Variants in GPN2 observed in about 807,000 individuals in gnomAD.
GPN2 encodes the protein GPN-loop GTPase 2, also known as ATP-binding domain 1 family member B.
In GPN2, 27 loss-of-function variants were observed where a neutral mutation model predicts 30.1. That is an observed-to-expected ratio of 0.90 (90% confidence interval 0.66 to 1.24). GPN2 has a LOEUF of 1.24. Among genes scored for constraint, GPN2 ranks in the 50% most tolerant of loss-of-function variants. The pLI is 0.00. For missense variants in GPN2, 406 were observed against 405.4 expected, an observed-to-expected ratio of 1.00 and a Z score of -0.01; for synonymous variants, 212 against 174.4, an observed-to-expected ratio of 1.22 and a Z score of -1.70.
intron 4 of GPN2, among the ~76,000 whole-genome samples, chr1:26,881,954 G>A (rs2081866509): frequency 6.6e-6 from 1 of 152,158 alleles, no homozygotes; most frequent in Non-Finnish European, 1.5e-5. Context: ...GGTGGCTCAC[G>A]CCTATAATCC....
At position 26,876,204 on chromosome 1, in the gene GPN2, G is replaced by C. The variant is rs972159113; in HGVS notation, c.*3473C>G. The C allele has an allele frequency of 1.3e-5, 2 of 151,848 alleles. No homozygotes were observed. Among genetic ancestry groups the C allele is most frequent in the Non-Finnish European group, 2.9e-5 (2 of 67,940 alleles). 9.4% of individuals were successfully genotyped at this position (151,848 alleles called of 1,614,324 possible). A position where few individuals can be genotyped will look rare whatever the true frequency, so the allele number is the denominator to read the frequency against. The stretch of plus-strand genomic sequence containing the variant: ...AGAAAGTTTCCGTTATGGGATTCTG[G>C]GTGACTCATTTTCGTTTTTTTTTTT... On this transcript the variant is annotated 3_prime_UTR_variant, in exon 5 of 5. Coordinates refer to ENST00000374135, the MANE Select transcript of GPN2 (RefSeq NM_018066.4).
intron 4 of GPN2, among the ~76,000 whole-genome samples, chr1:26,882,370 T>A (rs898032590): frequency 4.7e-5 from 7 of 149,978 alleles, no homozygotes; most frequent in East Asian, 1.9e-4. Flanking sequence ...ATCTTAAATT[T>A]AAAAAAAAAA....
At chr1:26,881,207 C>A (rs1319490439) in intron 4 of GPN2, among the ~76,000 whole-genome samples, 2 of 152,100 alleles carry the variant, frequency 1.3e-5, no homozygotes, top group African/African-American at 4.8e-5. Flanking sequence ...TAAACCCATC[C>A]TAAATCAAAA....
chr1:26,886,681 G>C (rs890747909), intron 2 of GPN2, among the ~76,000 whole-genome samples: 27 of 152,318 alleles, frequency 1.8e-4, no homozygotes, highest in East Asian at 9.6e-4. Context: ...AGCTGGGCGT[G>C]GTGGCGGGTG....
Position 26,889,935 on chromosome 1 carries a change from G to A in GPN2, c.162C>T (p.Tyr54=), listed in dbSNP as rs774416861. Residue 54 remains tyrosine (Y), a synonymous_variant, in exon 1 of 5, where the codon TAC becomes TAT. Transcript: ENST00000374135. ...NLDPANEGLP[Y]ECAVDVGELV... ...GCTCGCCCACGTCCACGGCACACTC[G>A]TACGGCAGCCCCTCGTTGGCCGGGT... The A allele has an allele frequency of 3.3e-5, 53 of 1,609,518 alleles. No individual in the cohort carries two copies. The highest frequency in any genetic ancestry group is 4.4e-5 in the Non-Finnish European group (52 of 1,179,376).
chr1:26,889,636 T>C (rs1323390091), intron 1 of GPN2, 50 bp downstream of exon 1: 2 of 1,512,962 alleles, frequency 1.3e-6, no homozygotes, highest in South Asian at 1.3e-5. Flanking sequence ...CTGTCCTCCC[T>C]GTCTCAGTTA....
At chr1:26,880,667 T>C (rs2081860036) in intron 4 of GPN2, among the ~76,000 whole-genome samples, 1 of 152,004 alleles carries the variant, frequency 6.6e-6, no homozygotes, top group Admixed American at 6.6e-5. Context: ...GGTCTCACTA[T>C]GTTACCCAGT....
At chr1:26,880,558 G>A (rs569753033) in intron 4 of GPN2, among the ~76,000 whole-genome samples, 6 of 152,114 alleles carry the variant, frequency 3.9e-5, no homozygotes, top group South Asian at 2.1e-4. Flanking sequence ...TGATCCGCCC[G>A]CCTTGGCCTC....
rs1350297777 is a variant in GPN2 at position 26,879,697 on chromosome 1, G to C, written c.913C>G (p.Gln305Glu). ...YLAPSNQSVE[Q>E]EAMQL is the part of the protein sequence containing the mutation. Reference sequence around the variant, plus strand: ...TGTTGCTACAGCTGCATGGCTTCCTGCTCCACTGACTGGTTCGAGGGTGCC... The same window carrying C: ...TGTTGCTACAGCTGCATGGCTTCCTCCTCCACTGACTGGTTCGAGGGTGCC... Residue 305 changes from glutamine to glutamate, a missense_variant, in exon 5 of 5, where the codon CAG becomes GAG. By Grantham distance (29) the Gln-to-Glu change is conservative (BLOSUM62 2). Coordinates refer to ENST00000374135, the MANE Select transcript of GPN2 (RefSeq NM_018066.4). 6.2e-7 allele frequency: 1 copy of C among 1,613,728 alleles called. No individual in the cohort carries two copies. The highest frequency in any genetic ancestry group is 2.2e-5 in the East Asian group (1 of 44,880).
chr1:26,887,289 G>T (rs1008516833), intron 2 of GPN2, among the ~76,000 whole-genome samples: 1 of 152,250 alleles, frequency 6.6e-6, no homozygotes, highest in East Asian at 1.9e-4. Flanking sequence ...ACTAAAAGAA[G>T]TAAGTTGGAC....
At position 26,890,000 on chromosome 1, in the gene GPN2, G is replaced by C; in HGVS notation, c.97C>G (p.Leu33Val). The C allele has an allele frequency of 6.2e-7, 1 of 1,600,900 alleles. No individual in the cohort carries two copies. Among genetic ancestry groups the C allele is most frequent in the Non-Finnish European group, 8.5e-7 (1 of 1,179,254 alleles). ...TTYCLGMSEF[L>V]RALGRRVAVV... ...GCCACGCGCCGGCCCAGCGCGCGCAGGAACTCACTCATGCCCAGGCAGTAC... is the reference window on the plus strand; with the variant it reads ...GCCACGCGCCGGCCCAGCGCGCGCACGAACTCACTCATGCCCAGGCAGTAC... The change falls in exon 1 of 5, where the codon CTG becomes GTG. Residue 33 changes from leucine (L) to valine (V), a missense_variant. Transcript: ENST00000374135.
chr1:26,889,205 C>A (rs2081907076), intron 1 of GPN2, 80 bp from the exon 2 acceptor site: 4 of 1,119,184 alleles, frequency 3.6e-6, no homozygotes, highest in East Asian at 2.5e-5. Context: ...GGCTTGAGGA[C>A]AGAGGGGAAG....
rs1210624520 is a variant in GPN2 at position 26,889,851 on chromosome 1, G to A, written c.246C>T (p.Leu82=). The part of the protein sequence containing the change: ...ALRLGPNGGL[L]YCMEYLEANL... ...TGGCTTCCAGGTACTCCATGCAGTA[G>A]AGCAGGCCGCCGTTGGGCCCCAGGC... The change falls in exon 1 of 5, where the codon CTC becomes CTT. Residue 82 remains leucine (L), a synonymous_variant. Transcript: ENST00000374135. The A allele has an allele frequency of 6.2e-7, 1 of 1,613,148 alleles. No homozygotes were observed. The highest frequency in any genetic ancestry group is 8.5e-7 in the Non-Finnish European group (1 of 1,179,676).
chr1:26,877,596 C>G lies in GPN2; in HGVS notation c.*2081G>C, dbSNP rs1294353175. On this transcript the variant is annotated 3_prime_UTR_variant, in exon 5 of 5. Transcript: ENST00000374135. ...CAAAATGGGTTATGAGAAAGCCAGG[C>G]TGACCAAAGTTCAAACTTCTCATCT... 2 of 152,232 alleles carry G rather than the reference C, an allele frequency of 1.3e-5. No individual in the cohort carries two copies. Among genetic ancestry groups the G allele is most frequent in the Non-Finnish European group, 1.5e-5 (1 of 68,054 alleles). 9.4% of individuals were successfully genotyped at this position (152,232 alleles called of 1,614,324 possible). A position where few individuals can be genotyped will look rare whatever the true frequency, so the allele number is the denominator to read the frequency against.
Position 26,890,000 on chromosome 1 carries a change from G to T in GPN2, c.97C>A (p.Leu33Met). The T allele has an allele frequency of 6.2e-7, 1 of 1,600,900 alleles. No homozygotes were observed. ...GCCACGCGCCGGCCCAGCGCGCGCA[G>T]GAACTCACTCATGCCCAGGCAGTAC... ...TTYCLGMSEF[L>M]RALGRRVAVV... is the part of the protein sequence containing the mutation. The change falls in exon 1 of 5, where the codon CTG (leucine) becomes ATG (methionine). Residue 33 changes from leucine (L) to methionine (M), a missense_variant. By Grantham distance (15) the Leu-to-Met change is conservative. Transcript: ENST00000374135.
chr1:26,885,767 G>A (rs2081887355), intron 3 of GPN2, among the ~76,000 whole-genome samples: 1 of 151,960 alleles, frequency 6.6e-6, no homozygotes, highest in African/African-American at 2.4e-5. Flanking sequence ...TTTTAGTAGA[G>A]ACGGGGTTTC....
chr1:26,887,510 T>C lies in GPN2; in HGVS notation c.569-1377A>G, dbSNP rs1393887296. Among the ~76,000 whole-genome samples, 4 of 152,222 alleles carry C rather than the reference T, an allele frequency of 2.6e-5. No individual in the cohort carries two copies. In the East Asian group the frequency reaches 7.7e-4, roughly 29 times the overall value. On this transcript the variant is annotated intron_variant, in intron 2 of 4. Transcript: ENST00000374135. Reference sequence around the variant, plus strand: ...TTTTATCTGTCTTCTCTAGGTTCCTTTGTTGCTAGAGATGCTATTTAGGGA... The same window carrying C: ...TTTTATCTGTCTTCTCTAGGTTCCTCTGTTGCTAGAGATGCTATTTAGGGA...
intron 3 of GPN2, 74 bp downstream of exon 3, chr1:26,885,899 C>A (rs1020568594): frequency 4.4e-5 from 53 of 1,194,126 alleles, no homozygotes; most frequent in Middle Eastern, 2.7e-4. Flanking sequence ...ATTCTTTAAG[C>A]CCTCAAAGCT....
At position 26,884,252 on chromosome 1, in the gene GPN2, A is replaced by T; in HGVS notation, c.768T>A (p.Asp256Glu). Residue 256 changes from aspartate (D) to glutamate (E), a missense_variant, in exon 4 of 5, where the codon GAT becomes GAA. By Grantham distance (45) the Asp-to-Glu change is conservative (BLOSUM62 2). Coordinates refer to ENST00000374135, the MANE Select transcript of GPN2 (RefSeq NM_018066.4). Reference protein sequence around the residue: ...ESIQRVLQAVDKANGYCFRAQ... With the variant: ...ESIQRVLQAVEKANGYCFRAQ... ...CTCTGAAACAGTATCCATTGGCTTT[A>T]TCCACAGCCTGCAGGACTCGCTGGA... The T allele has an allele frequency of 6.2e-7, 1 of 1,613,762 alleles. No individual in the cohort carries two copies. Among genetic ancestry groups the T allele is most frequent in the Middle Eastern group, 1.7e-4 (1 of 6,022 alleles).
Sources: allele counts gnomAD v4.1 joint callset (sites outside exome capture counted in the v4.1 genomes callset), GRCh38; gene constraint gnomAD v4.1.1; transcripts MANE v1.5; gene names NCBI Gene and HGNC (gene_info 2026-07-23, HGNC 2026-07-21).